UBE4B: variants seen among roughly 807,000 people sequenced by gnomAD.
UBE4B encodes ubiquitin conjugation factor E4 B.
In UBE4B, 27 loss-of-function variants were observed where a neutral mutation model predicts 148.1. The observed-to-expected ratio is 0.18, with a 90% confidence interval of 0.13 to 0.25. The LOEUF is 0.25. UBE4B is among the 10% of genes least tolerant of loss of function. The pLI, the probability that UBE4B is intolerant of heterozygous loss-of-function variation, is 1.00. For synonymous variants in UBE4B, 596 were observed against 619.3 expected (o/e 0.96, Z 0.56); for missense variants, 1,170 against 1,662.4 (o/e 0.70, Z 5.15).
chr1:10,132,579 G>GTACA, intron 15 of UBE4B, 97 bp downstream of exon 15: 1 of 1,003,158 alleles, frequency 1.0e-6, no homozygotes, highest in Non-Finnish European at 1.5e-6. Context: ...AGGAGTGGGG[G>GTACA]TACAGTATTG....
rs190945212 is a variant in UBE4B at position 10,065,043 on chromosome 1, G to A, written c.25-6985G>A. On this transcript the variant is annotated intron_variant, in intron 1 of 27. Coordinates refer to ENST00000343090, the MANE Select transcript of UBE4B (RefSeq NM_001105562.3). Reference sequence around the variant, plus strand: ...CTCCCAAAGTGCTGGGATTAAAGGTGTGAGCCACCGCGCCTGGCCCTAAAA... The same window carrying A: ...CTCCCAAAGTGCTGGGATTAAAGGTATGAGCCACCGCGCCTGGCCCTAAAA... Among the ~76,000 whole-genome samples, 17 of 152,244 alleles carry A rather than the reference G, an allele frequency of 1.1e-4. No homozygotes were observed. The East Asian group carries it at 3.1e-3, about 28-fold the overall frequency.
chr1:10,068,885 C>T (rs983839742), intron 1 of UBE4B, among the ~76,000 whole-genome samples: 1 of 152,188 alleles, frequency 6.6e-6, no homozygotes, highest in African/African-American at 2.4e-5. Flanking sequence ...GAACGCTGCC[C>T]CCTGCATGGC....
At chr1:10,046,589 T>C (rs1283845623) in intron 1 of UBE4B, among the ~76,000 whole-genome samples, 1 of 152,204 alleles carries the variant, frequency 6.6e-6, no homozygotes, top group African/African-American at 2.4e-5. Flanking sequence ...GGTTCTGACC[T>C]CGCCTTTCTG....
intron 2 of UBE4B, among the ~76,000 whole-genome samples, chr1:10,086,671 CAGT>C (rs1380188491): frequency 6.6e-6 from 1 of 151,928 alleles, no homozygotes; most frequent in Non-Finnish European, 1.5e-5. Flanking sequence ...AGTCATTCAA[CAGT>C]GGTGGGATAA....
At position 10,151,381 on chromosome 1, in the gene UBE4B, G is replaced by T; in HGVS notation, c.2746G>T (p.Val916Phe). The change falls in exon 21 of 28, where the codon GTT becomes TTT. Residue 916 changes from valine to phenylalanine, a missense_variant. By Grantham distance (50) the Val-to-Phe change is conservative. This residue lies in a region of UBE4B where 348 missense variants were observed against 627.2 expected (regional missense o/e 0.55). Coordinates refer to ENST00000343090, the MANE Select transcript of UBE4B (RefSeq NM_001105562.3). ...PCTQDIVMFLVVMLCNQNYIR... is the reference protein window; with the variant it reads ...PCTQDIVMFLFVMLCNQNYIR... Reference sequence around the variant, plus strand: ...TACTCAGGATATTGTGATGTTCCTTGTTGTGATGTTGTGCAACCAGAACTA... The same window carrying T: ...TACTCAGGATATTGTGATGTTCCTTTTTGTGATGTTGTGCAACCAGAACTA... The T allele has an allele frequency of 6.2e-7, 1 of 1,614,122 alleles. No homozygotes were observed. The highest frequency in any genetic ancestry group is 8.5e-7 in the Non-Finnish European group (1 of 1,180,030).
chr1:10,119,473 T>C (rs1645375686), intron 8 of UBE4B, 40 bp from the exon 9 acceptor site: 2 of 1,593,848 alleles, frequency 1.3e-6, no homozygotes, highest in African/African-American at 2.7e-5. Flanking sequence ...AATTGTATTG[T>C]TTGTTTCTTG....
intron 1 of UBE4B, among the ~76,000 whole-genome samples, chr1:10,036,699 A>C (rs1183041467): frequency 1.3e-5 from 2 of 152,108 alleles, no homozygotes; most frequent in African/African-American, 4.8e-5. Flanking sequence ...TTCTCATGAG[A>C]CATTTCCAAA....
chr1:10,091,379 A>C (rs750229411), intron 2 of UBE4B, among the ~76,000 whole-genome samples: 3 of 152,182 alleles, frequency 2.0e-5, no homozygotes, highest in Non-Finnish European at 4.4e-5. Flanking sequence ...TTTTAGTCGC[A>C]ATATTTAATT....
At chr1:10,060,275 G>C (rs933740549) in intron 1 of UBE4B, among the ~76,000 whole-genome samples, 10 of 152,262 alleles carry the variant, frequency 6.6e-5, no homozygotes, top group African/African-American at 2.4e-4. Flanking sequence ...AGGCTCTATA[G>C]TATAACTCCT....
At chr1:10,156,794 T>G (rs1251843285) in intron 21 of UBE4B, among the ~76,000 whole-genome samples, 1 of 152,146 alleles carries the variant, frequency 6.6e-6, no homozygotes, top group Non-Finnish European at 1.5e-5. Context: ...GTATGATAGG[T>G]GTTAATTATC....
At chr1:10,178,539 G>A (rs1374445175) in intron 25 of UBE4B, 105 bp from the exon 26 acceptor site, 5 of 1,216,604 alleles carry the variant, frequency 4.1e-6, no homozygotes, top group Admixed American at 6.2e-5. Context: ...GGCTTTTTTA[G>A]TGGGGGAAAA....
intron 1 of UBE4B, among the ~76,000 whole-genome samples, chr1:10,045,923 G>A (rs1300035847): frequency 6.6e-6 from 1 of 152,174 alleles, no homozygotes; most frequent in Non-Finnish European, 1.5e-5. Flanking sequence ...GACATGAAGT[G>A]GCAGCTGCTT....
chr1:10,168,216 C>T lies in UBE4B; in HGVS notation c.3279C>T (p.Thr1093=), dbSNP rs551706007. The change falls in exon 24 of 28, where the codon ACC becomes ACT. Residue 1093 remains threonine, a synonymous_variant. Coordinates refer to ENST00000343090, the MANE Select transcript of UBE4B (RefSeq NM_001105562.3). The surrounding 1 kb of genome is among the most constrained non-coding windows in gnomAD (Gnocchi z 4.9). ...SRSYLALATE[T]VDMFHILTKQ... is the part of the protein sequence containing the mutation. Reference sequence around the variant, plus strand: ...CTTACCTCGCCCTGGCCACCGAAACCGTGGACATGTTCCACATCCTCACGA... The same window carrying T: ...CTTACCTCGCCCTGGCCACCGAAACTGTGGACATGTTCCACATCCTCACGA... The T allele has an allele frequency of 1.4e-4, 221 of 1,614,192 alleles. 1 individual carries two copies. In the East Asian group the frequency reaches 4.6e-3, roughly 34 times the overall value.
intron 21 of UBE4B, among the ~76,000 whole-genome samples, chr1:10,152,351 T>C (rs1645990894): frequency 6.6e-6 from 1 of 151,786 alleles, no homozygotes; most frequent in Admixed American, 6.6e-5. Context: ...GGTACAAACA[T>C]GGTTGTGGAG....
intron 7 of UBE4B, among the ~76,000 whole-genome samples, chr1:10,109,376 G>C (rs1032503903): frequency 6.6e-6 from 1 of 152,044 alleles, no homozygotes; most frequent in Non-Finnish European, 1.5e-5. Context: ...TTTTGCTGCC[G>C]AGAGTCTGTG....
At chr1:10,110,779 G>C (rs1380110068) in intron 7 of UBE4B, among the ~76,000 whole-genome samples, 3 of 152,026 alleles carry the variant, frequency 2.0e-5, no homozygotes, top group African/African-American at 7.2e-5. Flanking sequence ...CGTTGACATT[G>C]ACTCTCCTGT....
At position 10,072,453 on chromosome 1, in the gene UBE4B, G is replaced by A. The variant is rs550933705; in HGVS notation, c.211+239G>A. 2.3e-4 allele frequency: 158 copies of A among 694,460 alleles called. No individual in the cohort carries two copies. The African/African-American group carries it at 2.7e-3, about 12-fold the overall frequency. The allele number at this position is 694,460 out of a possible 1,614,324, so 43.0% of individuals were successfully genotyped here. ...CTTCCATCTTTTTTTTTTTCAAACA[G>A]GTTTAGGTATTATCTCTGATGACAA... On this transcript the variant is annotated intron_variant, in intron 2 of 27. Coordinates refer to ENST00000343090, the MANE Select transcript of UBE4B (RefSeq NM_001105562.3).
At chr1:10,048,829 A>G (rs1481991837) in intron 1 of UBE4B, among the ~76,000 whole-genome samples, 1 of 152,210 alleles carries the variant, frequency 6.6e-6, no homozygotes. Context: ...TGCACTGGGA[A>G]GCCATCTGTA....
rs564012900 is a variant in UBE4B at position 10,151,482 on chromosome 1, C to T, written c.2847C>T (p.Thr949=). The T allele has an allele frequency of 6.2e-7, 1 of 1,614,042 alleles. No homozygotes were observed. Among genetic ancestry groups the T allele is most frequent in the South Asian group, 1.1e-5 (1 of 91,080 alleles). The change falls in exon 21 of 28, where the codon ACC becomes ACT. Residue 949 remains threonine, a synonymous_variant. Transcript: ENST00000343090. Reference sequence around the variant, plus strand: ...CCAACCCTGCTGTTCAGCCACGAACCCAGAAGTTTTTTGAAATGATTGAGA... The same window carrying T: ...CCAACCCTGCTGTTCAGCCACGAACTCAGAAGTTTTTTGAAATGATTGAGA... ...FMTNPAVQPR[T]QKFFEMIENH... is the part of the protein sequence containing the mutation.
Sources: gnomAD v4.1 joint callset for allele counts (sites outside exome capture counted in the v4.1 genomes callset) on GRCh38, gnomAD v4.1.1 for gene constraint, gnomAD v4.1.1 regional missense constraint, Gnocchi (gnomAD v3.1) non-coding constraint, MANE v1.5 for transcripts, NCBI Gene and HGNC (gene_info 2026-07-23, HGNC 2026-07-21) for gene names.